Variants in PPARGC1A observed in about 807,000 individuals in gnomAD.
PPARGC1A encodes the protein PPARG coactivator 1 alpha.
PPARGC1A carries 25 observed loss-of-function variants against 88.7 expected under a neutral mutation model. That is an observed-to-expected ratio of 0.28 (90% CI 0.21 to 0.39). PPARGC1A has a LOEUF of 0.39. Ranked by LOEUF, PPARGC1A falls within the 10% of genes least tolerant of loss-of-function variation. The probability of loss-of-function intolerance (pLI) is 1.00; values close to 1 mark genes in which losing one functional copy is unlikely to be tolerated. For missense variants in PPARGC1A, 880 were observed against 968.7 expected (o/e 0.91, Z 1.22); for synonymous variants, 363 against 355.6 (o/e 1.02, Z -0.24).
At chr4:23,874,687 A>G (rs1175355561) in intron 2 of PPARGC1A, among the ~76,000 whole-genome samples, 2 of 152,218 alleles carry the variant, frequency 1.3e-5, no homozygotes, top group Non-Finnish European at 2.9e-5. Context: ...CAAGATTTCC[A>G]GAATGTCTGC....
the PPARGC1A span, among the ~76,000 whole-genome samples, chr4:23,987,545 G>A: frequency 6.6e-6 from 1 of 151,872 alleles, no homozygotes; most frequent in Non-Finnish European, 1.5e-5. Flanking sequence ...TGCCTTAGGG[G>A]TCTGTGTCAC....
At chr4:24,387,766 G>T in the PPARGC1A span, among the ~76,000 whole-genome samples, 1 of 52,050 alleles carries the variant, frequency 1.9e-5, no homozygotes, top group East Asian at 5.1e-4. Context: ...GAGAGAGAGA[G>T]AGAAAGAAAG....
the PPARGC1A span, among the ~76,000 whole-genome samples, chr4:24,147,555 C>T: frequency 2.6e-5 from 4 of 152,066 alleles, no homozygotes; most frequent in Admixed American, 2.6e-4. Flanking sequence ...ATCCCTATAC[C>T]CGGTCTTGGC....
At chr4:24,111,040 G>A in the PPARGC1A span, among the ~76,000 whole-genome samples, 1 of 152,132 alleles carries the variant, frequency 6.6e-6, no homozygotes. Context: ...CAGCTACACA[G>A]AGAAGGCATT....
the PPARGC1A span, among the ~76,000 whole-genome samples, chr4:23,954,685 G>A: frequency 6.6e-6 from 1 of 151,968 alleles, no homozygotes; most frequent in Non-Finnish European, 1.5e-5. Context: ...ATTTGTTTCT[G>A]CAAAGTTGTG....
chr4:23,872,499 AATGCTCTCCAG>A (rs1713607167), intron 2 of PPARGC1A, among the ~76,000 whole-genome samples: 2 of 152,160 alleles, frequency 1.3e-5, no homozygotes, highest in African/African-American at 4.8e-5. Flanking sequence ...AGCTAGGAGA[AATGCTCTCCAG>A]CAGAATTCCA....
chr4:24,145,394 C>T, the PPARGC1A span, among the ~76,000 whole-genome samples: 8 of 152,174 alleles, frequency 5.3e-5, no homozygotes, highest in Admixed American at 6.5e-5. Context: ...TAGTTGATAA[C>T]GCCATTTGAC....
the PPARGC1A span, among the ~76,000 whole-genome samples, chr4:24,222,228 C>T: frequency 1.3e-5 from 2 of 152,206 alleles, no homozygotes; most frequent in Admixed American, 6.5e-5. Flanking sequence ...GTAGAAAGTC[C>T]TCCAGGACTC....
chr4:24,162,208 T>G, the PPARGC1A span, among the ~76,000 whole-genome samples: 8 of 152,020 alleles, frequency 5.3e-5, no homozygotes, highest in Non-Finnish European at 1.2e-4. Flanking sequence ...CTTTGGGGAC[T>G]TGGGAGGAAA....
At chr4:23,940,880 A>C in the PPARGC1A span, among the ~76,000 whole-genome samples, 1 of 152,154 alleles carries the variant, frequency 6.6e-6, no homozygotes, top group Non-Finnish European at 1.5e-5. Flanking sequence ...TACAAAAAAA[A>C]TTTAGCTCAA....
chr4:24,102,326 T>C, the PPARGC1A span, among the ~76,000 whole-genome samples: 11 of 152,268 alleles, frequency 7.2e-5, no homozygotes, highest in South Asian at 2.3e-3. Flanking sequence ...CAAATCCAAA[T>C]ATCCATGGAT....
At chr4:23,859,387 G>T (rs1023178135) in intron 2 of PPARGC1A, among the ~76,000 whole-genome samples, 3 of 152,142 alleles carry the variant, frequency 2.0e-5, no homozygotes, top group African/African-American at 2.4e-5. Context: ...GAAGGTACAG[G>T]TACATTTAGG....
chr4:24,130,159 A>C, the PPARGC1A span, among the ~76,000 whole-genome samples: 2 of 152,208 alleles, frequency 1.3e-5, no homozygotes, highest in Non-Finnish European at 2.9e-5. Flanking sequence ...AAAAAAAATA[A>C]TAATAATAAT....
At chr4:23,835,320 C>A (rs1259975653) in intron 2 of PPARGC1A, among the ~76,000 whole-genome samples, 1 of 152,110 alleles carries the variant, frequency 6.6e-6, no homozygotes, top group East Asian at 1.9e-4. Flanking sequence ...GAATGTATAA[C>A]AAATACAATG....
the PPARGC1A span, among the ~76,000 whole-genome samples, chr4:24,372,761 C>T: frequency 2.5e-4 from 38 of 152,328 alleles, no homozygotes; most frequent in African/African-American, 9.1e-4. Context: ...TAAGCCTCAA[C>T]ATTCTCATCT....
the PPARGC1A span, among the ~76,000 whole-genome samples, chr4:24,403,993 G>A: frequency 1.3e-5 from 2 of 152,172 alleles, no homozygotes. Context: ...GCCAGGTGAG[G>A]TGGCTCACGC....
the PPARGC1A span, among the ~76,000 whole-genome samples, chr4:24,361,330 C>A: frequency 6.6e-6 from 1 of 152,228 alleles, no homozygotes; most frequent in Non-Finnish European, 1.5e-5. Flanking sequence ...TGAGAACCTA[C>A]AACTCCCCAA....
the PPARGC1A span, among the ~76,000 whole-genome samples, chr4:24,315,591 T>C: frequency 1.3e-5 from 2 of 152,190 alleles, no homozygotes; most frequent in Non-Finnish European, 2.9e-5. Context: ...AGTGACCCTA[T>C]AGCAGTGGTT....
the PPARGC1A span, among the ~76,000 whole-genome samples, chr4:23,996,883 A>C: frequency 0.91 from 138,168 of 152,246 alleles, 62,779 homozygotes; most frequent in Admixed American, 0.94. Flanking sequence ...GTTTGCCAAC[A>C]CCCAGTCTAG....
Sources: allele counts gnomAD v4.1 joint callset (sites outside exome capture counted in the v4.1 genomes callset), GRCh38; gene constraint gnomAD v4.1.1; transcripts MANE v1.5; gene names NCBI Gene and HGNC (gene_info 2026-07-23, HGNC 2026-07-21).